Variants in FGD5 observed in about 807,000 individuals in gnomAD.
FGD5 encodes FYVE, RhoGEF and PH domain-containing protein 5.
In FGD5, 28 loss-of-function variants were observed where a neutral mutation model predicts 133.4. The ratio of observed to expected loss-of-function variants is 0.21; its 90% CI spans 0.16 to 0.29. FGD5 has a LOEUF of 0.29. Among genes scored for constraint, FGD5 ranks in the 10% least tolerant of loss-of-function variants. FGD5 has a pLI of 1.00. For missense variants in FGD5, 1,858 were observed against 1,895.2 expected, an observed-to-expected ratio of 0.98 and a Z score of 0.36; for synonymous variants, 810 against 776.5, an observed-to-expected ratio of 1.04 and a Z score of -0.72.
At chr3:14,813,212 A>C (rs1329979461) in intron 1 of FGD5, among the ~76,000 whole-genome samples, 2 of 152,288 alleles carry the variant, frequency 1.3e-5, no homozygotes, top group South Asian at 4.1e-4. Flanking sequence ...TCATCATTTT[A>C]CCAAAAAGGA....
chr3:14,825,626 C>G (rs1321802570), intron 1 of FGD5, among the ~76,000 whole-genome samples: 1 of 152,110 alleles, frequency 6.6e-6, no homozygotes, highest in Non-Finnish European at 1.5e-5. Flanking sequence ...TCCAGCCTGG[C>G]TGACAGAGCA....
intron 4 of FGD5, among the ~76,000 whole-genome samples, chr3:14,886,110 C>T (rs2037920309): frequency 6.6e-6 from 1 of 152,230 alleles, no homozygotes. Flanking sequence ...GACTAAAGTT[C>T]CATCTGCAGC....
At position 14,820,861 on chromosome 3, in the gene FGD5, A is replaced by G. The variant is rs1575186579; in HGVS notation, c.1790A>G (p.Gln597Arg). ...ATTGGCTCCTCTGGGAGTTTCTCCC[A>G]GAGAAACCACCTTCCGTCCAGCGGC... ...CVIGSSGSFS[Q>R]RNHLPSSGTS... The change falls in exon 1 of 20, where the codon CAG becomes CGG. Residue 597 changes from glutamine (Q) to arginine (R), a missense_variant. Transcript: ENST00000285046. The G allele has an allele frequency of 6.2e-7, 1 of 1,613,718 alleles. No individual in the cohort carries two copies. Among genetic ancestry groups the G allele is most frequent in the Non-Finnish European group, 8.5e-7 (1 of 1,179,790 alleles).
chr3:14,856,526 G>GT (rs1244393057), intron 1 of FGD5, among the ~76,000 whole-genome samples: 2 of 151,984 alleles, frequency 1.3e-5, no homozygotes, highest in Non-Finnish European at 2.9e-5. Flanking sequence ...CTATTTGTTG[G>GT]TATCCTCTTT....
upstream of FGD5, among the ~76,000 whole-genome samples, chr3:14,815,877 C>T (rs780732631): frequency 6.6e-6 from 1 of 152,196 alleles, no homozygotes; most frequent in Non-Finnish European, 1.5e-5. Flanking sequence ...GCTGGGTAGC[C>T]CCACACCAGC....
At chr3:14,871,696 T>A (rs890742630) in intron 2 of FGD5, among the ~76,000 whole-genome samples, 4 of 152,136 alleles carry the variant, frequency 2.6e-5, no homozygotes, top group African/African-American at 9.7e-5. Context: ...GCTGAGGTCC[T>A]TGGGGGGCTT....
chr3:14,820,068 G>T lies in FGD5; in HGVS notation c.997G>T (p.Asp333Tyr). The stretch of plus-strand genomic sequence containing the variant: ...CTGCCAGATTGTCCCTTTTGAGAAT[G>T]ACTGCATGGAGGACTTCGTGACTTC... ...ESCQIVPFEN[D>Y]CMEDFVTSLT... Residue 333 changes from aspartate to tyrosine, a missense_variant, in exon 1 of 20, where the codon GAC becomes TAC. Around this residue, in one of 3 missense-constraint regions of FGD5, gnomAD observed 1,824 missense variants for 1,848.9 expected, o/e 0.99. Coordinates refer to ENST00000285046, the MANE Select transcript of FGD5 (RefSeq NM_152536.4). 6.2e-7 allele frequency: 1 copy of T among 1,614,004 alleles called. No homozygotes were observed. The highest frequency in any genetic ancestry group is 1.1e-5 in the South Asian group (1 of 91,074).
chr3:14,911,941 A>T (rs1474143468), intron 11 of FGD5, among the ~76,000 whole-genome samples: 1 of 151,836 alleles, frequency 6.6e-6, no homozygotes, highest in Non-Finnish European at 1.5e-5. Context: ...ACCCGAGTTC[A>T]GCCCTGGAGG....
chr3:14,931,621 C>T (rs930126140), intron 18 of FGD5: 2 of 152,228 alleles, frequency 1.3e-5, no homozygotes, highest in Non-Finnish European at 2.9e-5. Flanking sequence ...TTTTACATAA[C>T]TGTGTATAAA....
intron 1 of FGD5, among the ~76,000 whole-genome samples, chr3:14,839,955 AACAAACAAACAG>A (rs2036886739): frequency 6.6e-6 from 1 of 151,616 alleles, no homozygotes; most frequent in African/African-American, 2.4e-5. Flanking sequence ...CAAACAAACA[AACAAACAAACAG>A]TGTTTTACAA....
intron 1 of FGD5, among the ~76,000 whole-genome samples, chr3:14,825,906 T>C (rs1575190074): frequency 6.6e-6 from 1 of 152,216 alleles, no homozygotes; most frequent in East Asian, 1.9e-4. Flanking sequence ...TTGGTGATTT[T>C]GAGCTTCACA....
chr3:14,878,787 G>T (rs554702118), intron 2 of FGD5, among the ~76,000 whole-genome samples: 1 of 149,062 alleles, frequency 6.7e-6, no homozygotes, highest in Non-Finnish European at 1.5e-5. Context: ...GTGCAATGGC[G>T]CAATCTCGGC....
intron 1 of FGD5, among the ~76,000 whole-genome samples, chr3:14,824,135 C>A (rs754208194): frequency 1.2e-4 from 19 of 152,234 alleles, no homozygotes; most frequent in Non-Finnish European, 2.6e-4. Flanking sequence ...ACAGGAACCA[C>A]ATCCTCTTGG....
At position 14,911,441 on chromosome 3, in the gene FGD5, C is replaced by T. The variant is rs547647680; in HGVS notation, c.3405+512C>T. On this transcript the variant is annotated intron_variant, in intron 11 of 19. Transcript: ENST00000285046. ...TTAGTGGCTGTTGAGTGCCCCAATCCTGAGACCTCCAAGTGGCCATGCCTT... is the reference window on the plus strand; with the variant it reads ...TTAGTGGCTGTTGAGTGCCCCAATCTTGAGACCTCCAAGTGGCCATGCCTT... Among the ~76,000 whole-genome samples, 16 of 152,274 alleles carry T rather than the reference C, an allele frequency of 1.1e-4. No individual in the cohort carries two copies. The South Asian group carries it at 3.3e-3, about 32-fold the overall frequency.
chr3:14,918,911 G>A, intron 13 of FGD5, 78 bp downstream of exon 13: 5 of 1,486,418 alleles, frequency 3.4e-6, no homozygotes, highest in Non-Finnish European at 4.7e-6. Context: ...AGATAAGGAT[G>A]TGCTGTTTTT....
chr3:14,836,613 A>G (rs550591186), intron 1 of FGD5, among the ~76,000 whole-genome samples: 5 of 152,138 alleles, frequency 3.3e-5, no homozygotes, highest in Non-Finnish European at 7.4e-5. Flanking sequence ...TCAGGATTCC[A>G]CCCAGGCTGT....
At chr3:14,876,708 T>A (rs1337719476) in intron 2 of FGD5, among the ~76,000 whole-genome samples, 1 of 152,200 alleles carries the variant, frequency 6.6e-6, no homozygotes, top group East Asian at 1.9e-4. Context: ...ATGAATAATA[T>A]CTAGGCTCAT....
chr3:14,904,878 G>T (rs879227732), intron 9 of FGD5, among the ~76,000 whole-genome samples: 1 of 152,078 alleles, frequency 6.6e-6, no homozygotes, highest in Admixed American at 6.5e-5. Context: ...ATTTTGCCCA[G>T]GCTGGTGTCA....
chr3:14,911,147 A>C (rs1485845981), intron 11 of FGD5, among the ~76,000 whole-genome samples: 1 of 152,182 alleles, frequency 6.6e-6, no homozygotes, highest in African/African-American at 2.4e-5. Flanking sequence ...AATGTTGGCA[A>C]GATGTAGTTA....
Sources: allele counts gnomAD v4.1 joint callset (sites outside exome capture counted in the v4.1 genomes callset), GRCh38; gene constraint gnomAD v4.1.1; regional missense constraint gnomAD v4.1.1; transcripts MANE v1.5; gene names NCBI Gene and HGNC (gene_info 2026-07-23, HGNC 2026-07-21).